The following PTPRT variants were observed in gnomAD, a reference collection of about 807,000 sequenced individuals.
PTPRT encodes receptor-type tyrosine-protein phosphatase T.
PTPRT carries 56 observed loss-of-function variants against 176.8 expected under a neutral mutation model. That is an observed-to-expected ratio of 0.32 (90% confidence interval 0.26 to 0.40). The LOEUF (loss-of-function observed/expected upper bound fraction) is 0.40. Among genes scored for constraint, PTPRT ranks in the 10% least tolerant of loss-of-function variants. The probability of loss-of-function intolerance (pLI) is 1.00; values close to 1 mark genes in which losing one functional copy is unlikely to be tolerated. For missense variants in PTPRT, 1,540 were observed against 1,908.2 expected (o/e 0.81, Z 3.60); for synonymous variants, 783 against 739.0 (o/e 1.06, Z -0.96).
chr20:42,973,299 A>T (rs1982761812), intron 1 of PTPRT, among the ~76,000 whole-genome samples: 1 of 152,076 alleles, frequency 6.6e-6, no homozygotes, highest in Non-Finnish European at 1.5e-5. Flanking sequence ...AGGAAAAAAA[A>T]CCTTGAAAAT....
intron 9 of PTPRT, among the ~76,000 whole-genome samples, chr20:42,404,111 C>T (rs1002676300): frequency 3.9e-5 from 6 of 152,212 alleles, no homozygotes; most frequent in African/African-American, 1.2e-4. Flanking sequence ...GCTAGATATT[C>T]ACCAAAGCTA....
rs1179291659 is a variant in PTPRT at position 42,436,620 on chromosome 20, T to C, written c.1560+11600A>G. Among the ~76,000 whole-genome samples, 3 of 152,098 alleles carry C rather than the reference T, an allele frequency of 2.0e-5. No homozygotes were observed. In the East Asian group the frequency reaches 5.8e-4, roughly 29 times the overall value. ...TAGTGCAACCAGTTTGGGAAAGAGT[T>C]TGGAGTATTTTTGTAAAACTTAACA... On this transcript the variant is annotated intron_variant, in intron 9 of 30. Coordinates refer to ENST00000373187, the MANE Select transcript of PTPRT (RefSeq NM_007050.6).
intron 7 of PTPRT, among the ~76,000 whole-genome samples, chr20:42,521,235 ATACCCCTTAAGCTCATATAAAAACT>A (rs2072170506): frequency 1.3e-5 from 2 of 152,176 alleles, no homozygotes; most frequent in South Asian, 4.1e-4. Flanking sequence ...TCAAGATAAA[ATACCCCTTAAGCTCATATAAAAACT>A]TACGATTTAA....
intron 1 of PTPRT, among the ~76,000 whole-genome samples, chr20:42,909,625 G>T (rs144225593): frequency 2.0e-4 from 31 of 152,244 alleles, no homozygotes; most frequent in African/African-American, 7.5e-4. Context: ...GGCAGTGATG[G>T]ATGTCCTCAT....
At chr20:42,676,463 T>C (rs1030582352) in intron 7 of PTPRT, among the ~76,000 whole-genome samples, 3 of 152,068 alleles carry the variant, frequency 2.0e-5, no homozygotes, top group African/African-American at 7.2e-5. Flanking sequence ...TCCTCTTTGT[T>C]TTCTGAAACC....
At chr20:42,887,268 G>T (rs1012911473) in intron 1 of PTPRT, among the ~76,000 whole-genome samples, 5 of 152,164 alleles carry the variant, frequency 3.3e-5, no homozygotes, top group African/African-American at 1.2e-4. Context: ...ATTGGGACTG[G>T]GATTGGGACC....
At chr20:42,291,992 A>G (rs987697677) in intron 12 of PTPRT, among the ~76,000 whole-genome samples, 1 of 152,152 alleles carries the variant, frequency 6.6e-6, no homozygotes, top group Non-Finnish European at 1.5e-5. Flanking sequence ...GTGGTGGTAT[A>G]GTCGAATGAT....
intron 2 of PTPRT, among the ~76,000 whole-genome samples, chr20:42,800,014 C>T (rs60561392): frequency 1.7e-3 from 265 of 152,320 alleles, no homozygotes; most frequent in African/African-American, 6.2e-3. Context: ...TTTGTGTTCT[C>T]ATGAGAATTT....
Position 42,716,223 on chromosome 20 carries a change from A to AC in PTPRT, c.860-38065_860-38064insG, listed in dbSNP as rs1356414067. On this transcript the variant is annotated intron_variant, in intron 6 of 30. Coordinates refer to ENST00000373187, the MANE Select transcript of PTPRT (RefSeq NM_007050.6). ...ACTAAACCACAGACATGTGAGCAAA[A>AC]AAATAATTGCTATTTAAAAAAAAAT... 1.4e-4 allele frequency among the ~76,000 whole-genome samples: 22 copies of AC among 152,270 alleles called. No individual in the cohort carries two copies. The South Asian group carries it at 2.3e-3, about 16-fold the overall frequency.
chr20:42,659,042 T>C (rs1445455095), intron 7 of PTPRT, among the ~76,000 whole-genome samples: 1 of 152,170 alleles, frequency 6.6e-6, no homozygotes, highest in African/African-American at 2.4e-5. Context: ...TCTTTTTACA[T>C]CCTTTTTTAG....
At chr20:42,920,799 AATC>A (rs1979097315) in intron 1 of PTPRT, among the ~76,000 whole-genome samples, 1 of 152,240 alleles carries the variant, frequency 6.6e-6, no homozygotes, top group East Asian at 1.9e-4. Context: ...GAGGGGCTCT[AATC>A]AGTGCAGAGA....
chr20:42,128,847 A>T lies in PTPRT; in HGVS notation c.2771-17T>A, dbSNP rs773754580. On this transcript the variant is annotated splice_polypyrimidine_tract_variant and intron_variant, in intron 18 of 30. Transcript: ENST00000373187. ...AATGGTCGTCTGCAGAGAGAGCAGA[A>T]ATCAAGGGGATGGTTGATAAGAGGC... The T allele has an allele frequency of 1.3e-6, 2 of 1,593,350 alleles. No individual in the cohort carries two copies. Among genetic ancestry groups the T allele is most frequent in the Non-Finnish European group, 1.7e-6 (2 of 1,169,274 alleles).
intron 1 of PTPRT, among the ~76,000 whole-genome samples, chr20:42,891,235 A>T (rs1360873533): frequency 6.6e-6 from 1 of 152,134 alleles, no homozygotes; most frequent in Non-Finnish European, 1.5e-5. Context: ...TTTTGGGAGG[A>T]AGGAAACCCA....
intron 1 of PTPRT, among the ~76,000 whole-genome samples, chr20:42,927,835 A>T (rs1979583813): frequency 6.6e-6 from 1 of 152,128 alleles, no homozygotes; most frequent in Non-Finnish European, 1.5e-5. Context: ...ATACAAACAG[A>T]CGCTTCCTAA....
chr20:42,497,691 GT>G (rs34186233), intron 7 of PTPRT, among the ~76,000 whole-genome samples: 183 of 152,076 alleles, frequency 1.2e-3, no homozygotes, highest in Non-Finnish European at 2.3e-3. Context: ...TTTGTTTTAA[GT>G]TGTCATATAA....
At chr20:42,783,678 A>G (rs1424681765) in intron 3 of PTPRT, among the ~76,000 whole-genome samples, 2 of 152,162 alleles carry the variant, frequency 1.3e-5, no homozygotes, top group Admixed American at 1.3e-4. Context: ...TCAGAGATGG[A>G]AAGACCTGCC....
chr20:42,872,636 A>G (rs1483303653), intron 2 of PTPRT, among the ~76,000 whole-genome samples: 1 of 152,222 alleles, frequency 6.6e-6, no homozygotes, highest in Non-Finnish European at 1.5e-5. Flanking sequence ...ATGTTTAGAA[A>G]TGCCTTCTTC....
At chr20:42,955,096 T>G (rs1160823919) in intron 1 of PTPRT, among the ~76,000 whole-genome samples, 1 of 152,174 alleles carries the variant, frequency 6.6e-6, no homozygotes, top group African/African-American at 2.4e-5. Flanking sequence ...CCCCTCTTAG[T>G]GATGCACAAC....
intron 7 of PTPRT, among the ~76,000 whole-genome samples, chr20:42,543,799 G>C (rs978750935): frequency 2.0e-5 from 3 of 152,052 alleles, no homozygotes; most frequent in Non-Finnish European, 4.4e-5. Flanking sequence ...GTGTTAGCAG[G>C]CATGAAAACA....
Sources: gnomAD v4.1 joint callset for allele counts (sites outside exome capture counted in the v4.1 genomes callset) on GRCh38, gnomAD v4.1.1 for gene constraint, MANE v1.5 for transcripts, NCBI Gene and HGNC (gene_info 2026-07-23, HGNC 2026-07-21) for gene names.